The following CTNND2 variants were observed in gnomAD, a reference collection of about 807,000 sequenced individuals.
The protein encoded by CTNND2 is catenin delta-2.
CTNND2 carries 22 observed loss-of-function variants against 144.4 expected under a neutral mutation model. The observed-to-expected ratio is 0.15, with a 90% CI of 0.11 to 0.22. The LOEUF is 0.22. Among genes scored for constraint, CTNND2 ranks in the 10% least tolerant of loss-of-function variants. CTNND2 has a pLI of 1.00. For missense variants in CTNND2, 1,353 were observed against 1,618.8 expected, an observed-to-expected ratio of 0.84 and a Z score of 2.82; for synonymous variants, 751 against 695.6, an observed-to-expected ratio of 1.08 and a Z score of -1.25.
chr5:11,240,335 CACAT>C (rs1452193398), intron 9 of CTNND2, among the ~76,000 whole-genome samples: 3 of 137,924 alleles, frequency 2.2e-5, no homozygotes, highest in Admixed American at 1.5e-4. Flanking sequence ...ACACCCAACA[CACAT>C]ACACCCAACA....
At chr5:11,630,590 T>C (rs1781364354) in intron 2 of CTNND2, among the ~76,000 whole-genome samples, 1 of 152,200 alleles carries the variant, frequency 6.6e-6, no homozygotes. Context: ...AGTTTTCCAT[T>C]AGGATAAGTT....
chr5:11,419,215 T>C (rs1762171407), intron 3 of CTNND2, among the ~76,000 whole-genome samples: 1 of 152,064 alleles, frequency 6.6e-6, no homozygotes, highest in Non-Finnish European at 1.5e-5. Flanking sequence ...ATGTTTTATT[T>C]ATGAAATATG....
intron 9 of CTNND2, among the ~76,000 whole-genome samples, chr5:11,341,069 A>G (rs1355138312): frequency 1.3e-5 from 2 of 152,300 alleles, no homozygotes; most frequent in African/African-American, 2.4e-5. Context: ...TGATGTGTGA[A>G]GCATAATTTG....
At chr5:11,574,612 T>C (rs1030933618) in intron 2 of CTNND2, among the ~76,000 whole-genome samples, 1 of 152,306 alleles carries the variant, frequency 6.6e-6, no homozygotes, top group African/African-American at 2.4e-5. Context: ...AGAATTATTA[T>C]GTCCAACCAC....
At chr5:11,187,276 A>C (rs1287157695) in intron 11 of CTNND2, among the ~76,000 whole-genome samples, 1 of 152,194 alleles carries the variant, frequency 6.6e-6, no homozygotes, top group East Asian at 1.9e-4. Context: ...ATGGGACAGA[A>C]TAGAGAACTC....
At chr5:10,997,788 G>A (rs1013356479) in intron 18 of CTNND2, among the ~76,000 whole-genome samples, 1 of 152,116 alleles carries the variant, frequency 6.6e-6, no homozygotes, top group Non-Finnish European at 1.5e-5. Context: ...GGCTATGAAT[G>A]TGATGATATT....
Position 11,384,697 on chromosome 5 carries a change from G to C in CTNND2, c.1145C>G (p.Thr382Arg). 1 of 1,608,168 alleles carries C rather than the reference G, an allele frequency of 6.2e-7. No homozygotes were observed. Among genetic ancestry groups the C allele is most frequent in the Non-Finnish European group, 8.5e-7 (1 of 1,178,888 alleles). Residue 382 changes from threonine to arginine, a missense_variant, in exon 7 of 22, where the codon ACG becomes AGG. Transcript: ENST00000304623. The surrounding 1 kb of genome is among the most constrained non-coding windows in gnomAD (Gnocchi z 5.2). Reference protein sequence around the residue: ...YSKHSQELYATATLQRPGSLA... With the variant: ...YSKHSQELYARATLQRPGSLA... Reference sequence around the variant, plus strand: ...GCTGCCCGGCCTCTGGAGGGTGGCCGTGGCATACAGCTCCTGCGAGTGCTT... The same window carrying C: ...GCTGCCCGGCCTCTGGAGGGTGGCCCTGGCATACAGCTCCTGCGAGTGCTT...
chr5:11,571,724 C>G (rs977312911), intron 2 of CTNND2, among the ~76,000 whole-genome samples: 27 of 152,180 alleles, frequency 1.8e-4, no homozygotes, highest in African/African-American at 6.5e-4. Flanking sequence ...ATTTAACTCA[C>G]CCCCCTGCTT....
chr5:11,063,223 G>GAGAATAAAATGAGAC (rs1374649429), intron 16 of CTNND2, among the ~76,000 whole-genome samples: 22 of 151,790 alleles, frequency 1.4e-4, no homozygotes, highest in Admixed American at 1.2e-3. Flanking sequence ...CAACAAAAAA[G>GAGAATAAAATGAGAC]AGAATAAAAT....
chr5:11,585,513 TATC>T (rs1778791263), intron 2 of CTNND2, among the ~76,000 whole-genome samples: 2 of 152,006 alleles, frequency 1.3e-5, no homozygotes, highest in Admixed American at 6.6e-5. Context: ...TCTATCTATC[TATC>T]TATCTATATC....
At chr5:11,292,433 C>T (rs1748445514) in intron 9 of CTNND2, among the ~76,000 whole-genome samples, 1 of 151,460 alleles carries the variant, frequency 6.6e-6, no homozygotes, top group Admixed American at 6.6e-5. Context: ...AATCTTGTCT[C>T]AAATTGTAAT....
rs1758817405 is a variant in CTNND2, at chr5:11,384,338, G to A, written c.1177+327C>T. Among the ~76,000 whole-genome samples, 1 of 152,130 alleles carries A rather than the reference G, an allele frequency of 6.6e-6. No individual in the cohort carries two copies. The highest frequency in any genetic ancestry group is 1.5e-5 in the Non-Finnish European group (1 of 68,026). ...GCTTTTTTTCTGGATACCATCAACA[G>A]GTCTATGGGATGCTTTCCTAAATGT... is the stretch of plus-strand genomic sequence containing the variant. On this transcript the variant is annotated intron_variant, in intron 7 of 21. Coordinates refer to ENST00000304623, the MANE Select transcript of CTNND2 (RefSeq NM_001332.4). The surrounding 1 kb of genome is among the most constrained non-coding windows in gnomAD (Gnocchi z 5.2).
intron 3 of CTNND2, among the ~76,000 whole-genome samples, chr5:11,418,768 C>T (rs1762105519): frequency 6.6e-6 from 1 of 152,068 alleles, no homozygotes; most frequent in Admixed American, 6.6e-5. Context: ...CATTTGTCCA[C>T]AAACTTTTTG....
At chr5:11,005,615 ACT>A (rs1238239508) in intron 18 of CTNND2, among the ~76,000 whole-genome samples, 9 of 152,180 alleles carry the variant, frequency 5.9e-5, no homozygotes, top group Non-Finnish European at 1.0e-4. Context: ...TAGTTGGATA[ACT>A]CTCAGATTTC....
At chr5:11,498,699 C>T (rs1422604162) in intron 3 of CTNND2, among the ~76,000 whole-genome samples, 8 of 152,160 alleles carry the variant, frequency 5.3e-5, no homozygotes, top group Admixed American at 2.0e-4. Flanking sequence ...TGGCCCTTCG[C>T]GTATAGCTAG....
intron 1 of CTNND2, among the ~76,000 whole-genome samples, chr5:11,872,218 CT>C (rs1373690165): frequency 6.6e-6 from 1 of 152,102 alleles, no homozygotes; most frequent in Non-Finnish European, 1.5e-5. Context: ...TGAATTCATC[CT>C]TTTTTATGGC....
chr5:11,332,891 G>C (rs1561232879), intron 9 of CTNND2, among the ~76,000 whole-genome samples: 1 of 152,134 alleles, frequency 6.6e-6, no homozygotes, highest in Non-Finnish European at 1.5e-5. Context: ...TTTTATAAGG[G>C]GAAACCCCTT....
intron 14 of CTNND2, among the ~76,000 whole-genome samples, chr5:11,109,619 C>A (rs1300594163): frequency 6.6e-6 from 1 of 152,058 alleles, no homozygotes; most frequent in Non-Finnish European, 1.5e-5. Flanking sequence ...ACTAGATAAC[C>A]TTTCATTTTA....
chr5:11,696,385 T>C (rs1213432224), intron 2 of CTNND2, among the ~76,000 whole-genome samples: 1 of 152,242 alleles, frequency 6.6e-6, no homozygotes, highest in South Asian at 2.1e-4. Flanking sequence ...GGAATCAGCC[T>C]TGGGCTATAG....
Sources: allele counts gnomAD v4.1 joint callset (sites outside exome capture counted in the v4.1 genomes callset), GRCh38; gene constraint gnomAD v4.1.1; non-coding constraint Gnocchi (gnomAD v3.1); transcripts MANE v1.5; gene names NCBI Gene and HGNC (gene_info 2026-07-23, HGNC 2026-07-21).